The following CNTNAP2 variants were observed in gnomAD, a reference collection of about 807,000 sequenced individuals.
CNTNAP2 encodes the protein contactin associated protein 2.
Under a neutral mutation model 155.2 loss-of-function variants are expected in CNTNAP2, and 98 were observed. The ratio of observed to expected loss-of-function variants is 0.63; its 90% CI spans 0.54 to 0.75. The LOEUF is 0.75. Among genes scored for constraint, CNTNAP2 ranks in the 30% least tolerant of loss-of-function variants. The probability of loss-of-function intolerance (pLI) is 0.00; values close to 1 mark genes in which losing one functional copy is unlikely to be tolerated. For missense variants in CNTNAP2, 1,727 were observed against 1,688.1 expected (o/e 1.02, Z -0.40); for synonymous variants, 651 against 631.2 (o/e 1.03, Z -0.47).
Position 147,698,003 on chromosome 7 carries a change from G to A in CNTNAP2, c.2098+58697G>A, listed in dbSNP as rs573700318. 2.7e-4 allele frequency among the ~76,000 whole-genome samples: 41 copies of A among 152,194 alleles called. No homozygotes were observed. In the South Asian group the frequency reaches 3.3e-3, roughly 12 times the overall value. ...GTCCACACTCAACCTCCAGAAGTTC[G>A]TTAATTACAGTTTAGGGTTTCCTAC... On this transcript the variant is annotated intron_variant, in intron 13 of 23. Coordinates refer to ENST00000361727, the MANE Select transcript of CNTNAP2 (RefSeq NM_014141.6).
intron 1 of CNTNAP2, among the ~76,000 whole-genome samples, chr7:146,483,282 A>AAAAAATAT (rs1178407767): frequency 7.0e-4 from 28 of 39,868 alleles, no homozygotes; most frequent in Admixed American, 2.8e-3. Flanking sequence ...TCTAAAAAAA[A>AAAAAATAT]ATATATATAT....
In CNTNAP2 at chr7:148,118,387, A is replaced by G. The variant is rs1279150660; in HGVS notation, c.2554+99A>G. The G allele has an allele frequency of 2.2e-6, 3 of 1,339,364 alleles. No individual in the cohort carries two copies. The East Asian group carries it at 7.3e-5, about 33-fold the overall frequency. The allele number at this position is 1,339,364 out of a possible 1,614,324, so 83.0% of individuals were successfully genotyped here. A position where few individuals can be genotyped will look rare whatever the true frequency, so the allele number is the denominator to read the frequency against. On this transcript the variant is annotated intron_variant, in intron 16 of 23. Transcript: ENST00000361727. ...GAAGGCCTTTTGATTCAAACGTGGA[A>G]GGTTTCCTTTGTTCCAGGAGCAGGA...
intron 1 of CNTNAP2, among the ~76,000 whole-genome samples, chr7:146,731,280 G>A (rs572188786): frequency 7.9e-5 from 12 of 152,214 alleles, no homozygotes; most frequent in African/African-American, 2.9e-4. Flanking sequence ...GACAAGTTAG[G>A]AACAACAGCA....
chr7:147,775,048 A>G (rs1797537834), intron 13 of CNTNAP2, among the ~76,000 whole-genome samples: 1 of 150,978 alleles, frequency 6.6e-6, no homozygotes, highest in South Asian at 2.1e-4. Context: ...CTTAAACCTT[A>G]TTCTCATGGA....
At chr7:146,958,704 C>T (rs898332232) in intron 3 of CNTNAP2, among the ~76,000 whole-genome samples, 5 of 152,058 alleles carry the variant, frequency 3.3e-5, no homozygotes, top group Middle Eastern at 3.4e-3. Flanking sequence ...TGAGCCACCA[C>T]GGCCGGCCCA....
chr7:146,260,369 T>A (rs1172590341), intron 1 of CNTNAP2, among the ~76,000 whole-genome samples: 1 of 152,178 alleles, frequency 6.6e-6, no homozygotes, highest in East Asian at 1.9e-4. Context: ...GCCACTGTCC[T>A]CCAGACCCTG....
chr7:146,235,370 T>G lies in CNTNAP2; in HGVS notation c.97+118397T>G, dbSNP rs137948419. 5.7e-3 allele frequency among the ~76,000 whole-genome samples: 867 copies of G among 152,146 alleles called. 6 individuals are homozygous for G. Among genetic ancestry groups the G allele is most frequent in the African/African-American group, 0.014 (579 of 41,504 alleles). Reference sequence around the variant, plus strand: ...CTCCACTGACTCTCACGGTGGCTGTTTATTCAGAGTGCAGCCTTCATTTGG... The same window carrying G: ...CTCCACTGACTCTCACGGTGGCTGTGTATTCAGAGTGCAGCCTTCATTTGG... On this transcript the variant is annotated intron_variant, in intron 1 of 23. Coordinates refer to ENST00000361727, the MANE Select transcript of CNTNAP2 (RefSeq NM_014141.6).
At chr7:146,304,532 T>G (rs1305690053) in intron 1 of CNTNAP2, among the ~76,000 whole-genome samples, 1 of 152,086 alleles carries the variant, frequency 6.6e-6, no homozygotes, top group Non-Finnish European at 1.5e-5. Context: ...CTCATGAAGC[T>G]TAGTTCGGCT....
intron 18 of CNTNAP2, among the ~76,000 whole-genome samples, chr7:148,186,096 C>G (rs970107546): frequency 7.9e-5 from 12 of 152,210 alleles, no homozygotes; most frequent in Non-Finnish European, 1.6e-4. Context: ...GTTACTTATT[C>G]CAACACTTCT....
At chr7:146,263,865 C>A (rs551264177) in intron 1 of CNTNAP2, among the ~76,000 whole-genome samples, 2 of 152,232 alleles carry the variant, frequency 1.3e-5, no homozygotes, top group East Asian at 3.9e-4. Context: ...AGATAAATTA[C>A]CTGAGAGGTA....
chr7:147,405,667 T>C (rs527328191), intron 10 of CNTNAP2, among the ~76,000 whole-genome samples: 41 of 152,178 alleles, frequency 2.7e-4, no homozygotes, highest in Non-Finnish European at 5.0e-4. Context: ...GAAAAAAGTT[T>C]CTGGTAAAAT....
chr7:147,383,044 A>G (rs1796563396), intron 9 of CNTNAP2, among the ~76,000 whole-genome samples: 1 of 150,460 alleles, frequency 6.6e-6, no homozygotes, highest in African/African-American at 2.5e-5. Context: ...TTAGGTGCTT[A>G]ATAAATATAA....
At chr7:147,601,281 G>A (rs2116860240) in intron 12 of CNTNAP2, among the ~76,000 whole-genome samples, 1 of 152,178 alleles carries the variant, frequency 6.6e-6, no homozygotes, top group South Asian at 2.1e-4. Context: ...GGTGCAGGCG[G>A]GCTGAGTCTG....
At chr7:147,766,812 T>C (rs534720196) in intron 13 of CNTNAP2, among the ~76,000 whole-genome samples, 3 of 152,250 alleles carry the variant, frequency 2.0e-5, no homozygotes, top group East Asian at 1.9e-4. Flanking sequence ...TTGTTCTTTC[T>C]CCTGTATCCC....
At chr7:147,443,088 T>C (rs1797671823) in intron 10 of CNTNAP2, among the ~76,000 whole-genome samples, 1 of 152,054 alleles carries the variant, frequency 6.6e-6, no homozygotes, top group South Asian at 2.1e-4. Context: ...CACTAGGACT[T>C]AGGAGTTGCG....
At chr7:146,903,869 A>C (rs926250418) in intron 3 of CNTNAP2, among the ~76,000 whole-genome samples, 2 of 152,168 alleles carry the variant, frequency 1.3e-5, no homozygotes, top group African/African-American at 4.8e-5. Context: ...GATTGTTAAC[A>C]TTTTCACCCC....
intron 10 of CNTNAP2, among the ~76,000 whole-genome samples, chr7:147,438,631 C>T (rs1208839584): frequency 6.6e-6 from 1 of 151,916 alleles, no homozygotes; most frequent in Non-Finnish European, 1.5e-5. Context: ...TTTCTCTCTT[C>T]CTCTATTTTT....
chr7:148,173,717 A>G (rs780271570), intron 18 of CNTNAP2, among the ~76,000 whole-genome samples: 1 of 152,242 alleles, frequency 6.6e-6, no homozygotes, highest in Non-Finnish European at 1.5e-5. Context: ...CCTGCGGCAC[A>G]CAATTGAATG....
At chr7:147,642,556 A>G (rs2116929486) in intron 13 of CNTNAP2, among the ~76,000 whole-genome samples, 1 of 152,250 alleles carries the variant, frequency 6.6e-6, no homozygotes, top group Admixed American at 6.5e-5. Flanking sequence ...TAAAATGTAC[A>G]AAACATCAGG....
Sources: gnomAD v4.1 joint callset for allele counts (sites outside exome capture counted in the v4.1 genomes callset) on GRCh38, gnomAD v4.1.1 for gene constraint, MANE v1.5 for transcripts, NCBI Gene and HGNC (gene_info 2026-07-23, HGNC 2026-07-21) for gene names.